The following ATRNL1 variants were observed in gnomAD, a reference collection of about 807,000 sequenced individuals.
ATRNL1 encodes the protein attractin-like protein 1.
Under a neutral mutation model 182.7 loss-of-function variants are expected in ATRNL1, and 95 were observed. The ratio of observed to expected loss-of-function variants is 0.52; its 90% CI spans 0.44 to 0.62. The LOEUF (loss-of-function observed/expected upper bound fraction) is 0.62. Ranked by LOEUF, ATRNL1 falls within the 20% of genes least tolerant of loss-of-function variation. ATRNL1 has a pLI of 0.00. For synonymous variants in ATRNL1, 576 were observed against 568.3 expected (o/e 1.01, Z -0.19); for missense variants, 1,471 against 1,679.5 (o/e 0.88, Z 2.17).
At chr10:115,292,466 C>A (rs1302714505) in intron 15 of ATRNL1, among the ~76,000 whole-genome samples, 1 of 150,650 alleles carries the variant, frequency 6.6e-6, no homozygotes, top group African/African-American at 2.4e-5. Flanking sequence ...TATTTGAAAT[C>A]ATTCTGTTTG....
At position 115,416,186 on chromosome 10, in the gene ATRNL1, G is replaced by A. The variant is rs566744299; in HGVS notation, c.3270-10064G>A. 3.9e-5 allele frequency among the ~76,000 whole-genome samples: 6 copies of A among 152,132 alleles called. No individual in the cohort carries two copies. In the East Asian group the frequency reaches 1.2e-3, roughly 29 times the overall value. ...GGTGTCCTACAAAAGAATAAATAAT[G>A]TCTTTCCACTTATTTACATCTACTT... On this transcript the variant is annotated intron_variant, in intron 20 of 28. Transcript: ENST00000355044.
In ATRNL1 at chr10:115,315,615, C is replaced by T. The variant is rs1854262216; in HGVS notation, c.2916C>T (p.Cys972=). The part of the protein sequence containing the change: ...NDPSNTGRGH[C]IEGSSRGPMK... ...CTAGTAATACAGGAAGAGGACATTG[C>T]ATTGAAGGTTCTTCACGGGGACCAA... Residue 972 remains cysteine, a synonymous_variant, in exon 18 of 29, where the codon TGC becomes TGT. Coordinates refer to ENST00000355044, the MANE Select transcript of ATRNL1 (RefSeq NM_207303.4). The T allele has an allele frequency of 6.2e-7, 1 of 1,613,880 alleles. No individual in the cohort carries two copies. Among genetic ancestry groups the T allele is most frequent in the Non-Finnish European group, 8.5e-7 (1 of 1,179,928 alleles).
chr10:115,423,328 G>C (rs1186423856), intron 20 of ATRNL1, among the ~76,000 whole-genome samples: 1 of 152,118 alleles, frequency 6.6e-6, no homozygotes, highest in Non-Finnish European at 1.5e-5. Flanking sequence ...GAGTCCAGGA[G>C]TTGGAGACCA....
rs555911867 is a variant in ATRNL1, at chr10:115,779,321, T to C, written c.3903+51966T>C. Among the ~76,000 whole-genome samples the C allele has an allele frequency of 5.9e-5, 9 of 152,310 alleles. No homozygotes were observed. In the East Asian group the frequency reaches 1.5e-3, roughly 26 times the overall value. ...CCAACATTCTCAATGTGATAGTGGA[T>C]GTAACTCAGCTGAGAAGTTAGGACA... On this transcript the variant is annotated intron_variant, in intron 27 of 28. Coordinates refer to ENST00000355044, the MANE Select transcript of ATRNL1 (RefSeq NM_207303.4).
At chr10:115,207,579 T>C (rs931481259) in intron 8 of ATRNL1, among the ~76,000 whole-genome samples, 1 of 152,058 alleles carries the variant, frequency 6.6e-6, no homozygotes, top group African/African-American at 2.4e-5. Flanking sequence ...TGTTTCACTT[T>C]CATTTTTGAA....
chr10:115,107,081 C>T (rs889657119), intron 1 of ATRNL1, among the ~76,000 whole-genome samples: 1 of 152,156 alleles, frequency 6.6e-6, no homozygotes, highest in Non-Finnish European at 1.5e-5. Context: ...CGTTAATGCC[C>T]TCATGGTTTA....
chr10:115,874,405 A>G (rs1565453144), intron 28 of ATRNL1, among the ~76,000 whole-genome samples: 1 of 152,216 alleles, frequency 6.6e-6, no homozygotes, highest in East Asian at 1.9e-4. Flanking sequence ...TTGCCATCCA[A>G]TAACAACTTG....
At chr10:115,142,036 A>G (rs1845772644) in intron 5 of ATRNL1, among the ~76,000 whole-genome samples, 1 of 152,120 alleles carries the variant, frequency 6.6e-6, no homozygotes, top group Non-Finnish European at 1.5e-5. Context: ...GGGATACATC[A>G]TGGAACAAAG....
chr10:115,941,738 T>G (rs1256287410), intron 28 of ATRNL1, among the ~76,000 whole-genome samples: 1 of 152,210 alleles, frequency 6.6e-6, no homozygotes, highest in African/African-American at 2.4e-5. Flanking sequence ...AGAAGATCAG[T>G]GGAAACTTAC....
intron 8 of ATRNL1, among the ~76,000 whole-genome samples, chr10:115,182,338 C>T (rs536781535): frequency 2.0e-5 from 3 of 151,388 alleles, no homozygotes; most frequent in Middle Eastern, 3.4e-3. Context: ...ATTAAGGGCA[C>T]TATGAAAGAT....
chr10:115,920,060 C>T (rs1953001954), intron 28 of ATRNL1, among the ~76,000 whole-genome samples: 1 of 152,162 alleles, frequency 6.6e-6, no homozygotes, highest in Admixed American at 6.5e-5. Context: ...TAAGAGTCTG[C>T]TCACCTGCCT....
chr10:115,643,711 A>T (rs1859416596), intron 26 of ATRNL1, among the ~76,000 whole-genome samples: 1 of 152,258 alleles, frequency 6.6e-6, no homozygotes, highest in South Asian at 2.1e-4. Flanking sequence ...TTAGTCTTAG[A>T]CAAATACAAA....
At chr10:115,846,228 A>G (rs940600651) in intron 27 of ATRNL1, among the ~76,000 whole-genome samples, 6 of 152,028 alleles carry the variant, frequency 3.9e-5, no homozygotes, top group African/African-American at 1.2e-4. Flanking sequence ...TCACCTTTAT[A>G]TTGAATGCTC....
intron 4 of ATRNL1, 107 bp downstream of exon 4, chr10:115,127,828 A>G (rs1845041050): frequency 1.3e-6 from 1 of 760,026 alleles, no homozygotes; most frequent in South Asian, 3.5e-5. Flanking sequence ...GAAGCAGGCT[A>G]CCGTGTTAAA....
intron 28 of ATRNL1, among the ~76,000 whole-genome samples, chr10:115,923,107 G>T (rs1555119098): frequency 6.6e-6 from 1 of 152,134 alleles, no homozygotes; most frequent in Non-Finnish European, 1.5e-5. Context: ...AGCCTTAGCT[G>T]AAGGATTGCA....
At chr10:115,301,610 A>G (rs551472814) in intron 16 of ATRNL1, among the ~76,000 whole-genome samples, 1 of 152,324 alleles carries the variant, frequency 6.6e-6, no homozygotes, top group South Asian at 2.1e-4. Context: ...ATAATACTTA[A>G]AATTATACAA....
intron 24 of ATRNL1, among the ~76,000 whole-genome samples, chr10:115,497,438 T>C (rs1192679171): frequency 2.0e-5 from 3 of 152,186 alleles, no homozygotes; most frequent in African/African-American, 7.2e-5. Context: ...AGGACATCCC[T>C]TGGCTCAATG....
chr10:115,564,052 C>T (rs1555000712), intron 26 of ATRNL1, among the ~76,000 whole-genome samples: 1 of 152,034 alleles, frequency 6.6e-6, no homozygotes, highest in East Asian at 1.9e-4. Context: ...CTATAAATTA[C>T]AGGGTATTCC....
At chr10:115,804,596 A>G (rs1949875437) in intron 27 of ATRNL1, among the ~76,000 whole-genome samples, 1 of 152,164 alleles carries the variant, frequency 6.6e-6, no homozygotes, top group African/African-American at 2.4e-5. Context: ...AACTGTGAAA[A>G]ATAAACGTTT....
Sources: gnomAD v4.1 joint callset for allele counts (sites outside exome capture counted in the v4.1 genomes callset) on GRCh38, gnomAD v4.1.1 for gene constraint, MANE v1.5 for transcripts, NCBI Gene and HGNC (gene_info 2026-07-23, HGNC 2026-07-21) for gene names.